Variants in FAR2 observed in about 807,000 individuals in gnomAD.
The protein encoded by FAR2 is fatty acyl-CoA reductase 2.
FAR2 carries 19 observed loss-of-function variants against 56.0 expected under a neutral mutation model. The ratio of observed to expected loss-of-function variants is 0.34; its 90% CI spans 0.24 to 0.50. The LOEUF is 0.50. FAR2 is among the 20% of genes least tolerant of loss of function. FAR2 has a pLI of 0.98. For missense variants in FAR2, 508 were observed against 642.2 expected (o/e 0.79, Z 2.26); for synonymous variants, 219 against 218.8 (o/e 1.00, Z -0.01).
intron 1 of FAR2, among the ~76,000 whole-genome samples, chr12:29,152,786 G>A (rs1036754481): frequency 4.1e-4 from 62 of 152,226 alleles, no homozygotes; most frequent in Non-Finnish European, 1.5e-4. Flanking sequence ...CAAATGAGTG[G>A]TGCAGAAAAT....
intron 1 of FAR2, among the ~76,000 whole-genome samples, chr12:29,209,707 T>TGTGC (rs1947520767): frequency 6.6e-6 from 1 of 151,772 alleles, no homozygotes; most frequent in East Asian, 1.9e-4. Context: ...TGTGTGTGTG[T>TGTGC]GTGTGTGTGT....
At chr12:29,163,044 G>T (rs1808704099) in intron 1 of FAR2, among the ~76,000 whole-genome samples, 1 of 152,176 alleles carries the variant, frequency 6.6e-6, no homozygotes, top group Non-Finnish European at 1.5e-5. Flanking sequence ...ATGAATAGAG[G>T]CTGTGAGAGT....
chr12:29,171,491 C>T, intron 1 of FAR2: 1 of 151,496 alleles, frequency 6.6e-6, no homozygotes, highest in Non-Finnish European at 1.5e-5. Context: ...TGCCCGGCTG[C>T]CCAACCATCT....
At position 29,176,000 on chromosome 12, in the gene FAR2, G is replaced by C. The variant is rs186595316; in HGVS notation, c.-39+26593G>C. 1.4e-3 allele frequency among the ~76,000 whole-genome samples: 211 copies of C among 152,268 alleles called. 1 individual carries two copies. The South Asian group carries it at 0.019, about 14-fold the overall frequency. Reference sequence around the variant, plus strand: ...CCAAAATTTAATATCAAAAGTAAAAGCTAGGTGACCTCAGTTTATGAAATT... The same window carrying C: ...CCAAAATTTAATATCAAAAGTAAAACCTAGGTGACCTCAGTTTATGAAATT... On this transcript the variant is annotated intron_variant, in intron 1 of 11. Transcript: ENST00000536681.
At position 29,316,969 on chromosome 12, in the gene FAR2, A is replaced by C; in HGVS notation, c.1084A>C (p.Ile362Leu). The C allele has an allele frequency of 1.2e-6, 2 of 1,614,030 alleles. No individual in the cohort carries two copies. The highest frequency in any genetic ancestry group is 1.6e-4 in the Middle Eastern group (1 of 6,062). ...TGCGGTCAGCCACCGGGCCCCTGCC[A>C]TTATCTATGACTGCTATCTGCGGCT... is the stretch of plus-strand genomic sequence containing the variant. The part of the protein sequence containing the change: ...WNAVSHRAPA[I>L]IYDCYLRLTG... The change falls in exon 9 of 12, where the codon ATT becomes CTT. Residue 362 changes from isoleucine (I) to leucine (L), a missense_variant. Transcript: ENST00000536681.
At chr12:29,217,212 T>A (rs117491462) in intron 1 of FAR2, among the ~76,000 whole-genome samples, 3,163 of 152,280 alleles carry the variant, frequency 0.021, 57 homozygotes, top group Non-Finnish European at 0.035. Context: ...AGAAGTCCTT[T>A]CTAGATGGGT....
intron 1 of FAR2, among the ~76,000 whole-genome samples, chr12:29,206,456 A>G (rs868865632): frequency 1.3e-5 from 2 of 152,332 alleles, no homozygotes; most frequent in South Asian, 2.1e-4. Flanking sequence ...GCCCTGCCCC[A>G]TGGTACCACA....
At chr12:29,305,285 C>A (rs988992899) in intron 4 of FAR2, among the ~76,000 whole-genome samples, 10 of 152,040 alleles carry the variant, frequency 6.6e-5, no homozygotes, top group African/African-American at 2.2e-4. Context: ...AGGTGCACAC[C>A]ACCATGCCCC....
At chr12:29,324,489 C>T (rs756628659) in intron 10 of FAR2, among the ~76,000 whole-genome samples, 1 of 152,198 alleles carries the variant, frequency 6.6e-6, no homozygotes, top group East Asian at 1.9e-4. Context: ...GTGTTAAGAG[C>T]AGCCAGAGAG....
At chr12:29,317,251 G>A (rs1949466157) in intron 9 of FAR2, among the ~76,000 whole-genome samples, 1 of 151,960 alleles carries the variant, frequency 6.6e-6, no homozygotes, top group Admixed American at 6.6e-5. Context: ...TCATGTGATG[G>A]GTCACAGTCA....
At chr12:29,167,093 G>A (rs1949837273) in intron 1 of FAR2, among the ~76,000 whole-genome samples, 1 of 152,046 alleles carries the variant, frequency 6.6e-6, no homozygotes, top group African/African-American at 2.4e-5. Context: ...CAGCAGTCAG[G>A]CGTTGCTGGA....
chr12:29,180,111 A>G (rs993758198), intron 1 of FAR2, among the ~76,000 whole-genome samples: 1 of 152,216 alleles, frequency 6.6e-6, no homozygotes, highest in African/African-American at 2.4e-5. Context: ...GCCAAATTCA[A>G]CAAAAACTTC....
intron 1 of FAR2, among the ~76,000 whole-genome samples, chr12:29,228,082 G>A (rs1947798495): frequency 6.7e-6 from 1 of 150,334 alleles, no homozygotes; most frequent in South Asian, 2.1e-4. Context: ...GTATACATAT[G>A]TAACAAACCT....
chr12:29,262,516 G>C (rs1187482751), intron 1 of FAR2, among the ~76,000 whole-genome samples: 1 of 152,146 alleles, frequency 6.6e-6, no homozygotes, highest in African/African-American at 2.4e-5. Context: ...TGTAATCCCA[G>C]CTACTCAGGA....
intron 1 of FAR2, among the ~76,000 whole-genome samples, chr12:29,200,862 A>G (rs1420525199): frequency 6.6e-6 from 1 of 152,194 alleles, no homozygotes; most frequent in Admixed American, 6.5e-5. Context: ...CTTACTGAAT[A>G]AATGTGAGTC....
At chr12:29,213,467 A>G (rs1268721944) in intron 1 of FAR2, among the ~76,000 whole-genome samples, 1 of 152,144 alleles carries the variant, frequency 6.6e-6, no homozygotes. Context: ...AGGCGGGTAG[A>G]TCACCTGAGG....
intron 10 of FAR2, among the ~76,000 whole-genome samples, chr12:29,325,004 C>T (rs959888661): frequency 2.6e-5 from 4 of 151,954 alleles, no homozygotes; most frequent in African/African-American, 9.7e-5. Context: ...TCAGGAAACC[C>T]ATCTCATGTG....
chr12:29,281,087 C>T (rs1254660052), intron 2 of FAR2: 3 of 152,184 alleles, frequency 2.0e-5, no homozygotes, highest in Non-Finnish European at 4.4e-5. Flanking sequence ...GGGGAATAGA[C>T]TATCCTCTCT....
At chr12:29,181,573 T>C (rs1427216450) in intron 1 of FAR2, among the ~76,000 whole-genome samples, 1 of 104,352 alleles carries the variant, frequency 9.6e-6, no homozygotes, top group Non-Finnish European at 2.0e-5. Context: ...TGCAAGACAG[T>C]AGAAAGAACC....
Sources: gnomAD v4.1 joint callset for allele counts (sites outside exome capture counted in the v4.1 genomes callset) on GRCh38, gnomAD v4.1.1 for gene constraint, MANE v1.5 for transcripts, NCBI Gene and HGNC (gene_info 2026-07-23, HGNC 2026-07-21) for gene names.